Variants in VTCN1 observed in about 807,000 individuals in gnomAD.
VTCN1 encodes V-set domain containing T cell activation inhibitor 1.
In VTCN1, 26 loss-of-function variants were observed where a neutral mutation model predicts 26.5. That is an observed-to-expected ratio of 0.98 (90% CI 0.72 to 1.36). VTCN1 has a LOEUF of 1.36. Among genes scored for constraint, VTCN1 ranks in the 40% most tolerant of loss-of-function variants. The probability of loss-of-function intolerance (pLI) is 0.00; values close to 1 mark genes in which losing one functional copy is unlikely to be tolerated. For synonymous variants in VTCN1, 116 were observed against 130.7 expected, an observed-to-expected ratio of 0.89 and a Z score of 0.77; for missense variants, 298 against 337.7, an observed-to-expected ratio of 0.88 and a Z score of 0.92.
Position 117,144,242 on chromosome 1 carries a change from A to T in VTCN1, c.*1029T>A, listed in dbSNP as rs1315053526. The stretch of plus-strand genomic sequence containing the variant: ...TGACACTTCGGATTGGGTAGTTGTA[A>T]TGGGGAGACGTCCTGTACATGGTAG... On this transcript the variant is annotated 3_prime_UTR_variant, in exon 6 of 6. Coordinates refer to ENST00000369458, the MANE Select transcript of VTCN1 (RefSeq NM_024626.4). 1 of 152,154 alleles carries T rather than the reference A, an allele frequency of 6.6e-6. No homozygotes were observed. The highest frequency in any genetic ancestry group is 1.5e-5 in the Non-Finnish European group (1 of 68,072). 9.4% of individuals were successfully genotyped at this position (152,154 alleles called of 1,614,324 possible).
At chr1:117,196,807 A>G (rs768242691) in intron 1 of VTCN1, among the ~76,000 whole-genome samples, 2 of 152,228 alleles carry the variant, frequency 1.3e-5, no homozygotes, top group African/African-American at 2.4e-5. Flanking sequence ...GTGAGCAAGC[A>G]TGTTCTTCAT....
intron 2 of VTCN1, among the ~76,000 whole-genome samples, chr1:117,163,092 C>T (rs1314583992): frequency 3.3e-5 from 5 of 152,190 alleles, no homozygotes; most frequent in Non-Finnish European, 7.3e-5. Flanking sequence ...TGGGGTCAAA[C>T]CTGTGAGTGT....
At position 117,147,246 on chromosome 1, in the gene VTCN1, T is replaced by A. The variant is rs1570933398; in HGVS notation, c.*45+367A>T. On this transcript the variant is annotated intron_variant, in intron 5 of 5. Coordinates refer to ENST00000369458, the MANE Select transcript of VTCN1 (RefSeq NM_024626.4). This position sits in a 1 kb window ranked among gnomAD's most constrained non-coding sequence, Gnocchi z 4.6. ...GGCCGGCTGGAAGGGCAGGGAGGGG[T>A]TTTATGTGAATGATGATATGCTTTA... Among the ~76,000 whole-genome samples, 1 of 151,618 alleles carries A rather than the reference T, an allele frequency of 6.6e-6. No individual in the cohort carries two copies. Among genetic ancestry groups the A allele is most frequent in the Admixed American group, 6.6e-5 (1 of 15,184 alleles).
chr1:117,144,459 GA>G lies in VTCN1; in HGVS notation c.*811del, dbSNP rs1651410106. 6.6e-6 allele frequency: 1 copy of G among 152,190 alleles called. No individual in the cohort carries two copies. Among genetic ancestry groups the G allele is most frequent in the South Asian group, 2.1e-4 (1 of 4,822 alleles). 9.4% of individuals were successfully genotyped at this position (152,190 alleles called of 1,614,324 possible). A position where few individuals can be genotyped will look rare whatever the true frequency, so the allele number is the denominator to read the frequency against. ...AGGTCTTAGCTGTCCACGCAGGATG[GA>G]AAGGAGAAGCCTCAGAGCTTGTGAT... On this transcript the variant is annotated 3_prime_UTR_variant, in exon 6 of 6. Coordinates refer to ENST00000369458, the MANE Select transcript of VTCN1 (RefSeq NM_024626.4).
chr1:117,192,680 T>A (rs149162182), intron 1 of VTCN1, among the ~76,000 whole-genome samples: 83 of 152,320 alleles, frequency 5.4e-4, no homozygotes, highest in African/African-American at 1.8e-3. Context: ...GAGTTTCATG[T>A]GCAATTGAAG....
At chr1:117,201,900 T>A (rs2101602102) in intron 1 of VTCN1, among the ~76,000 whole-genome samples, 1 of 152,322 alleles carries the variant, frequency 6.6e-6, no homozygotes, top group South Asian at 2.1e-4. Context: ...AGAAGGCAGT[T>A]TCCTTGGATG....
At chr1:117,199,851 G>A (rs901410576) in intron 1 of VTCN1, among the ~76,000 whole-genome samples, 1 of 151,742 alleles carries the variant, frequency 6.6e-6, no homozygotes, top group Non-Finnish European at 1.5e-5. Context: ...GGCCAAGATG[G>A]TCTCCATCTC....
chr1:117,181,848 C>CA (rs1404176024), intron 1 of VTCN1, among the ~76,000 whole-genome samples: 1 of 152,156 alleles, frequency 6.6e-6, no homozygotes, highest in Non-Finnish European at 1.5e-5. Flanking sequence ...GCGTGGTCAT[C>CA]AGTCACCCTG....
chr1:117,208,851 C>G (rs114405382), intron 1 of VTCN1, among the ~76,000 whole-genome samples: 14 of 152,172 alleles, frequency 9.2e-5, no homozygotes, highest in African/African-American at 3.4e-4. Context: ...GAGAATAACT[C>G]ACTGGGTCTG....
rs1384078413 is a variant in VTCN1 at position 117,143,786 on chromosome 1, G to A, written c.*1485C>T. 6.6e-6 allele frequency: 1 copy of A among 152,184 alleles called. No individual in the cohort carries two copies. Among genetic ancestry groups the A allele is most frequent in the African/African-American group, 2.4e-5 (1 of 41,438 alleles). The allele number at this position is 152,184 out of a possible 1,614,324, so 9.4% of individuals were successfully genotyped here. On this transcript the variant is annotated 3_prime_UTR_variant, in exon 6 of 6. Coordinates refer to ENST00000369458, the MANE Select transcript of VTCN1 (RefSeq NM_024626.4). ...TTCATTCCTCAAGGCCTCAATTCAA[G>A]CAGTCATTGTCCTTGCTTTCAAAAG...
rs1652012706 is a variant in VTCN1, at chr1:117,155,263, T to C, written c.445+1311A>G. The stretch of plus-strand genomic sequence containing the variant: ...AGGTACATGCTGTTAACATGACTTA[T>C]TAATGATGTTAACCTGGATCACCTG... On this transcript the variant is annotated intron_variant, in intron 3 of 5. Coordinates refer to ENST00000369458, the MANE Select transcript of VTCN1 (RefSeq NM_024626.4). The surrounding 1 kb of genome is among the most constrained non-coding windows in gnomAD (Gnocchi z 4.8). 6.6e-6 allele frequency among the ~76,000 whole-genome samples: 1 copy of C among 152,176 alleles called. No homozygotes were observed. The highest frequency in any genetic ancestry group is 6.5e-5 in the Admixed American group (1 of 15,280).
chr1:117,190,745 A>G (rs1164214218), intron 1 of VTCN1, among the ~76,000 whole-genome samples: 1 of 152,210 alleles, frequency 6.6e-6, no homozygotes, highest in East Asian at 1.9e-4. Flanking sequence ...AGGCAATACC[A>G]TCACTCCAGG....
intron 1 of VTCN1, among the ~76,000 whole-genome samples, chr1:117,203,216 G>A (rs1648874508): frequency 6.6e-6 from 1 of 151,964 alleles, no homozygotes. Context: ...TCAGTGAAGG[G>A]TAGAGCAAGA....
intron 1 of VTCN1, among the ~76,000 whole-genome samples, chr1:117,189,920 T>C (rs1441702187): frequency 6.6e-6 from 1 of 150,556 alleles, no homozygotes; most frequent in Non-Finnish European, 1.5e-5. Flanking sequence ...CAAGGTAGGC[T>C]CATGCCTTGG....
At chr1:117,186,568 C>G (rs1005605603) in intron 1 of VTCN1, among the ~76,000 whole-genome samples, 2 of 152,080 alleles carry the variant, frequency 1.3e-5, no homozygotes, top group Non-Finnish European at 2.9e-5. Context: ...GTGAAATGAA[C>G]TAGTTATTGT....
rs1553208028 is a variant in VTCN1 at position 117,157,092 on chromosome 1, G to GAGATAT, written c.98-172_98-171insATATCT. 96 of 561,564 alleles carry GAGATAT rather than the reference G, an allele frequency of 1.7e-4. No individual in the cohort carries two copies. The African/African-American group carries it at 1.8e-3, about 10-fold the overall frequency. The allele number at this position is 561,564 out of a possible 1,614,324, so 34.8% of individuals were successfully genotyped here. ...GAAAGAGCAGGAAGACAATCATTTT[G>GAGATAT]ATATATATATATATATATATATAGC... On this transcript the variant is annotated intron_variant, in intron 2 of 5. Transcript: ENST00000369458.
chr1:117,193,963 A>C lies in VTCN1; in HGVS notation c.32+16861T>G, dbSNP rs79020203. ...AGCTCCCTTTGATGTTGGTTTTGGC[A>C]ATGACTTTTTGGATATGACACCAAA... is the stretch of plus-strand genomic sequence containing the variant. On this transcript the variant is annotated intron_variant, in intron 1 of 5. Coordinates refer to ENST00000369458, the MANE Select transcript of VTCN1 (RefSeq NM_024626.4). Among the ~76,000 whole-genome samples, 10 of 152,288 alleles carry C rather than the reference A, an allele frequency of 6.6e-5. No individual in the cohort carries two copies. The South Asian group carries it at 8.3e-4, about 13-fold the overall frequency.
intron 1 of VTCN1, chr1:117,173,205 A>G (rs1387033054): frequency 5.6e-6 from 4 of 716,224 alleles, no homozygotes; most frequent in South Asian, 3.0e-5. Context: ...CAGCGGCTTC[A>G]TTCTTGAAGT....
intron 1 of VTCN1, among the ~76,000 whole-genome samples, chr1:117,172,872 A>C (rs149917678): frequency 6.6e-6 from 1 of 152,232 alleles, no homozygotes; most frequent in African/African-American, 2.4e-5. Context: ...ACGGATCAGC[A>C]CTCTGTAAAA....
Sources: gnomAD v4.1 joint callset for allele counts (sites outside exome capture counted in the v4.1 genomes callset) on GRCh38, gnomAD v4.1.1 for gene constraint, Gnocchi (gnomAD v3.1) non-coding constraint, MANE v1.5 for transcripts, NCBI Gene and HGNC (gene_info 2026-07-23, HGNC 2026-07-21) for gene names.